The following TPRG1 variants were observed in gnomAD, a reference collection of about 807,000 sequenced individuals.
TPRG1 encodes tumor protein p63 regulated 1.
A neutral mutation model predicts 29.3 loss-of-function variants in TPRG1; 29 were observed. That is an observed-to-expected ratio of 0.99 (90% CI 0.74 to 1.35). The LOEUF is 1.35. Among genes scored for constraint, TPRG1 ranks in the 40% most tolerant of loss-of-function variants. TPRG1 has a pLI of 0.00. For synonymous variants in TPRG1, 130 were observed against 116.8 expected (o/e 1.11, Z -0.73); for missense variants, 327 against 335.0 (o/e 0.98, Z 0.19).
intron 4 of TPRG1, among the ~76,000 whole-genome samples, chr3:189,307,303 C>T (rs551794198): frequency 2.2e-4 from 33 of 152,322 alleles, no homozygotes; most frequent in African/African-American, 7.5e-4. Flanking sequence ...GGATTACAGG[C>T]GTGAGTCACC....
At chr3:189,155,001 ACTGT>A (rs1209403698) in intron 5 of TPRG1, among the ~76,000 whole-genome samples, 7 of 152,190 alleles carry the variant, frequency 4.6e-5, no homozygotes, top group African/African-American at 1.2e-4. Flanking sequence ...GAGCTATGTG[ACTGT>A]CTGTGGAAAT....
rs1057230553 is a variant in TPRG1, at chr3:189,322,716, C to T, written c.*1896C>T. ...AGGATCAGCCTGACAATCGACTTCT[C>T]TCTGCACATTTGCCCCCTTTGTAAC... On this transcript the variant is annotated 3_prime_UTR_variant, in exon 6 of 6. Coordinates refer to ENST00000345063, the MANE Select transcript of TPRG1 (RefSeq NM_198485.4). The T allele has an allele frequency of 3.3e-5, 5 of 152,486 alleles. No individual in the cohort carries two copies. The highest frequency in any genetic ancestry group is 2.1e-4 in the South Asian group (1 of 4,834). 9.4% of individuals were successfully genotyped at this position (152,486 alleles called of 1,614,324 possible).
At chr3:189,040,908 C>T (rs1047385047) in intron 4 of TPRG1, among the ~76,000 whole-genome samples, 11 of 152,196 alleles carry the variant, frequency 7.2e-5, no homozygotes, top group African/African-American at 2.7e-4. Context: ...GCTTTGGCAG[C>T]TATTCCTTAG....
chr3:189,081,147 GA>G (rs371193155), intron 4 of TPRG1, among the ~76,000 whole-genome samples: 51 of 152,258 alleles, frequency 3.3e-4, no homozygotes, highest in African/African-American at 1.2e-3. Context: ...AGCAAAATAT[GA>G]ATGGACAAAT....
At chr3:189,145,494 G>T (rs1331484887) in intron 3 of TPRG1, among the ~76,000 whole-genome samples, 1 of 152,148 alleles carries the variant, frequency 6.6e-6, no homozygotes, top group African/African-American at 2.4e-5. Flanking sequence ...GCTTGTCTCT[G>T]ACCCCTTGAC....
chr3:189,044,117 C>T (rs989977037), intron 4 of TPRG1, among the ~76,000 whole-genome samples: 1 of 152,074 alleles, frequency 6.6e-6, no homozygotes, highest in Non-Finnish European at 1.5e-5. Context: ...CAAATTAGTT[C>T]ATCTCCTCAA....
chr3:189,233,387 C>T (rs1738979274), intron 3 of TPRG1, among the ~76,000 whole-genome samples: 1 of 152,092 alleles, frequency 6.6e-6, no homozygotes, highest in Non-Finnish European at 1.5e-5. Flanking sequence ...GCACTGGAAG[C>T]TCTCAGGATG....
At chr3:189,239,195 G>A (rs1740086232) in intron 4 of TPRG1, among the ~76,000 whole-genome samples, 1 of 152,180 alleles carries the variant, frequency 6.6e-6, no homozygotes, top group African/African-American at 2.4e-5. Flanking sequence ...GGCTGGGGAG[G>A]CCTCAGAATT....
intron 4 of TPRG1, among the ~76,000 whole-genome samples, chr3:189,087,725 G>A (rs1718051121): frequency 6.6e-6 from 1 of 152,204 alleles, no homozygotes; most frequent in African/African-American, 2.4e-5. Flanking sequence ...TTCTACAGAT[G>A]TCTAGCCAGT....
intron 4 of TPRG1, among the ~76,000 whole-genome samples, chr3:189,033,458 T>A (rs577087379): frequency 5.5e-4 from 83 of 152,184 alleles, no homozygotes; most frequent in African/African-American, 1.9e-3. Context: ...ATTTTTGTAT[T>A]TTTTGTAAAG....
rs1306405226 is a variant in TPRG1 at position 189,320,914 on chromosome 3, T to C, written c.*94T>C. On this transcript the variant is annotated 3_prime_UTR_variant, in exon 6 of 6. Transcript: ENST00000345063. ...GCTATTTTTGGACTGAAACAATTAA[T>C]TATTTTTAAATGACGCTTTATGATT... The C allele has an allele frequency of 8.9e-7, 1 of 1,129,028 alleles. No individual in the cohort carries two copies. The highest frequency in any genetic ancestry group is 3.5e-5 in the Admixed American group (1 of 28,830). 69.9% of individuals were successfully genotyped at this position (1,129,028 alleles called of 1,614,324 possible).
At chr3:189,312,174 TTTCTTTCTTTTTTTCTTTC>T (rs1722742983) in intron 5 of TPRG1, among the ~76,000 whole-genome samples, 5 of 72,818 alleles carry the variant, frequency 6.9e-5, no homozygotes, top group South Asian at 5.7e-4. Context: ...TCTTTCTTTC[TTTCTTTCTTTTTTTCTTTC>T]TTTCTTTCTT....
chr3:189,190,520 T>A (rs966212447), intron 1 of TPRG1, among the ~76,000 whole-genome samples: 5 of 152,224 alleles, frequency 3.3e-5, no homozygotes, highest in African/African-American at 9.6e-5. Context: ...TCACTTTCTC[T>A]TTGGCATACT....
intron 1 of TPRG1, among the ~76,000 whole-genome samples, chr3:189,186,985 G>GTTT (rs397875585): frequency 0.033 from 2,908 of 88,742 alleles, 186 homozygotes; most frequent in African/African-American, 0.052. Flanking sequence ...CATCTAAAGT[G>GTTT]TTTTTTTTTT....
intron 3 of TPRG1, among the ~76,000 whole-genome samples, chr3:189,142,753 C>T (rs1724739950): frequency 6.6e-6 from 1 of 152,192 alleles, no homozygotes; most frequent in Admixed American, 6.5e-5. Flanking sequence ...GCCAGTTGGC[C>T]ATCTCTTACT....
intron 1 of TPRG1, among the ~76,000 whole-genome samples, chr3:189,178,564 G>T (rs1729802330): frequency 6.6e-6 from 1 of 152,192 alleles, no homozygotes. Flanking sequence ...TAACTTGATT[G>T]ATGTACATAG....
chr3:189,159,834 T>TTGTGTGTGTGTGTGTGTGTGTGTG (rs779237990), intron 5 of TPRG1, among the ~76,000 whole-genome samples: 1 of 95,466 alleles, frequency 1.0e-5, no homozygotes, highest in African/African-American at 4.1e-5. Context: ...CATGGAGTGT[T>TTGTGTGTGTGTGTGTGTGTGTGTG]TGTGTATGTG....
chr3:189,215,170 C>T (rs561131544), intron 2 of TPRG1, 122 bp from the exon 3 acceptor site: 2 of 688,408 alleles, frequency 2.9e-6, no homozygotes, highest in Non-Finnish European at 4.5e-6. Flanking sequence ...ATACAGGCAA[C>T]TGCATAAACT....
intron 3 of TPRG1, among the ~76,000 whole-genome samples, chr3:189,010,577 C>A (rs1166910683): frequency 6.6e-6 from 1 of 152,068 alleles, no homozygotes; most frequent in African/African-American, 2.4e-5. Context: ...GCATGTATGT[C>A]TTCTTTTGAA....
Sources: gnomAD v4.1 joint callset for allele counts (sites outside exome capture counted in the v4.1 genomes callset) on GRCh38, gnomAD v4.1.1 for gene constraint, MANE v1.5 for transcripts, NCBI Gene and HGNC (gene_info 2026-07-23, HGNC 2026-07-21) for gene names.